CPEB2: variants seen among roughly 807,000 people sequenced by gnomAD.
CPEB2 encodes cytoplasmic polyadenylation element-binding protein 2.
A neutral mutation model predicts 93.6 loss-of-function variants in CPEB2; 56 were observed. The observed-to-expected ratio is 0.60, with a 90% confidence interval of 0.48 to 0.75. CPEB2 has a LOEUF of 0.75. Ranked by LOEUF, CPEB2 falls within the 30% of genes least tolerant of loss-of-function variation. The pLI is 0.00. For missense variants in CPEB2, 1,579 were observed against 1,395.1 expected (o/e 1.13, Z -2.10); for synonymous variants, 764 against 586.3 (o/e 1.30, Z -4.38).
At chr4:15,054,096 A>AT (rs1418968726) in intron 7 of CPEB2, 32 bp from the exon 8 acceptor site, 2 of 1,452,694 alleles carry the variant, frequency 1.4e-6, no homozygotes, top group Non-Finnish European at 1.9e-6. Flanking sequence ...ACTGAAACTA[A>AT]TTTCTAATGT....
rs116150154 is a variant in CPEB2, at chr4:15,002,875, C to A, written c.202C>A (p.Pro68Thr). The change falls in exon 1 of 12, where the codon CCC becomes ACC. Residue 68 changes from proline to threonine, a missense_variant. By Grantham distance (38) the Pro-to-Thr change is conservative. Around this residue, in one of 2 missense-constraint regions of CPEB2, gnomAD observed 1,411 missense variants for 1,056.0 expected, o/e 1.34. Coordinates refer to ENST00000538197, the MANE Select transcript of CPEB2 (RefSeq NM_001177382.2). ...AGAGGCCGCCTCCCCCTTCTCCGTC[C>A]CCCTCGGCGGCGGCGCGGGCAGCCC... ...FLEAASPFSV[P>T]LGGGAGSPAA... is the part of the protein sequence containing the mutation. 3 of 1,524,326 alleles carry A rather than the reference C, an allele frequency of 2.0e-6. No individual in the cohort carries two copies. The highest frequency in any genetic ancestry group is 2.6e-6 in the Non-Finnish European group (3 of 1,143,698). The allele number at this position is 1,524,326 out of a possible 1,614,324, so 94.4% of individuals were successfully genotyped here.
In CPEB2 at chr4:15,067,914, T is replaced by G. The variant is rs1305894832; in HGVS notation, c.*1534T>G. On this transcript the variant is annotated 3_prime_UTR_variant, in exon 12 of 12. Coordinates refer to ENST00000538197, the MANE Select transcript of CPEB2 (RefSeq NM_001177382.2). ...TGCTTGCAGGTTTTTTGGGGTGTTT[T>G]GAGAAAGTGGCATGGAAACATGCAG... 6.6e-6 allele frequency: 1 copy of G among 152,336 alleles called. No homozygotes were observed. The highest frequency in any genetic ancestry group is 2.4e-5 in the African/African-American group (1 of 41,408). 9.4% of individuals were successfully genotyped at this position (152,336 alleles called of 1,614,324 possible).
intron 4 of CPEB2, among the ~76,000 whole-genome samples, chr4:15,026,956 T>G (rs922531679): frequency 6.6e-6 from 1 of 152,224 alleles, no homozygotes; most frequent in African/African-American, 2.4e-5. Flanking sequence ...GTTGCCCATT[T>G]GCTATTCCTA....
intron 10 of CPEB2, among the ~76,000 whole-genome samples, chr4:15,060,197 A>G (rs917006072): frequency 6.6e-6 from 1 of 152,122 alleles, no homozygotes; most frequent in African/African-American, 2.4e-5. Flanking sequence ...AGGAACTGAA[A>G]GAAGCCCAAA....
At chr4:15,035,998 G>A (rs1192627528) in intron 5 of CPEB2, among the ~76,000 whole-genome samples, 1 of 152,130 alleles carries the variant, frequency 6.6e-6, no homozygotes, top group African/African-American at 2.4e-5. Flanking sequence ...AAGATTTTAT[G>A]ATTCTACCTT....
At chr4:15,018,215 A>G (rs773207502) in intron 4 of CPEB2, among the ~76,000 whole-genome samples, 1 of 151,840 alleles carries the variant, frequency 6.6e-6, no homozygotes, top group African/African-American at 2.4e-5. Flanking sequence ...ATTCTCTTTC[A>G]AGATTTGGCC....
chr4:15,035,404 G>T (rs554950681), intron 5 of CPEB2, among the ~76,000 whole-genome samples: 1 of 152,126 alleles, frequency 6.6e-6, no homozygotes, highest in Non-Finnish European at 1.5e-5. Context: ...GACTCAGGGG[G>T]ACTGTTCTGA....
At chr4:15,019,392 C>G (rs911234626) in intron 4 of CPEB2, among the ~76,000 whole-genome samples, 1 of 151,464 alleles carries the variant, frequency 6.6e-6, no homozygotes, top group Non-Finnish European at 1.5e-5. Context: ...TCTTTCTCTC[C>G]GTACTCTGAT....
At chr4:15,063,055 T>A (rs1729346819) in intron 11 of CPEB2, among the ~76,000 whole-genome samples, 2 of 152,052 alleles carry the variant, frequency 1.3e-5, no homozygotes, top group Non-Finnish European at 2.9e-5. Context: ...AGAAATACAT[T>A]AAGAATATGC....
chr4:15,007,728 G>A, intron 2 of CPEB2, 142 bp downstream of exon 2: 3 of 487,654 alleles, frequency 6.2e-6, no homozygotes, highest in Admixed American at 4.0e-5. Context: ...AATTAACAAA[G>A]GTTAAAATAT....
chr4:15,023,690 C>T (rs115112455), intron 4 of CPEB2, among the ~76,000 whole-genome samples: 85 of 151,508 alleles, frequency 5.6e-4, no homozygotes, highest in African/African-American at 1.8e-3. Context: ...TAGAAGTCTC[C>T]TTCCTCCTCC....
chr4:15,011,241 C>A (rs1723440624), intron 3 of CPEB2, among the ~76,000 whole-genome samples: 1 of 151,476 alleles, frequency 6.6e-6, no homozygotes, highest in South Asian at 2.1e-4. Context: ...GCTGTGATTA[C>A]ATGCATGCAC....
chr4:15,005,362 C>T (rs1722685676), intron 1 of CPEB2, among the ~76,000 whole-genome samples: 1 of 152,128 alleles, frequency 6.6e-6, no homozygotes, highest in Admixed American at 6.6e-5. Context: ...AATATGTGGG[C>T]CGTGTGTATT....
At chr4:15,035,565 G>T (rs1037182025) in intron 5 of CPEB2, among the ~76,000 whole-genome samples, 6 of 152,146 alleles carry the variant, frequency 3.9e-5, no homozygotes, top group Non-Finnish European at 8.8e-5. Context: ...ATATGTCTAT[G>T]TTGGAGAATA....
chr4:15,002,924 C>G lies in CPEB2; in HGVS notation c.251C>G (p.Ser84Cys). 1 of 1,516,470 alleles carries G rather than the reference C, an allele frequency of 6.6e-7. No homozygotes were observed. Among genetic ancestry groups the G allele is most frequent in the Non-Finnish European group, 8.8e-7 (1 of 1,141,862 alleles). 93.9% of individuals were successfully genotyped at this position (1,516,470 alleles called of 1,614,324 possible). A position where few individuals can be genotyped will look rare whatever the true frequency, so the allele number is the denominator to read the frequency against. The stretch of plus-strand genomic sequence containing the variant: ...CCGGCCGCCGCCGCTTCCTCTTCCT[C>G]CCCGTTCCTGGCGCATCAGCAGACC... Reference protein sequence around the residue: ...GSPAAAASSSSPFLAHQQTMQ... With the variant: ...GSPAAAASSSCPFLAHQQTMQ... The change falls in exon 1 of 12, where the codon TCC (serine) becomes TGC (cysteine). Residue 84 changes from serine to cysteine, a missense_variant. This residue lies in a region of CPEB2 where 1,411 missense variants were observed against 1,056.0 expected (regional missense o/e 1.34). Transcript: ENST00000538197.
intron 2 of CPEB2, 110 bp downstream of exon 2, chr4:15,007,696 T>C: frequency 3.2e-6 from 2 of 620,350 alleles, no homozygotes; most frequent in Non-Finnish European, 2.5e-6. Context: ...AAATAAAGTT[T>C]TAATTTTTAA....
At chr4:15,024,759 T>C (rs1388844955) in intron 4 of CPEB2, among the ~76,000 whole-genome samples, 1 of 148,398 alleles carries the variant, frequency 6.7e-6, no homozygotes, top group African/African-American at 2.4e-5. Context: ...TTTTTTTTTT[T>C]TTTGAGATGG....
In CPEB2 at chr4:15,040,481, A is replaced by G; in HGVS notation, c.2194A>G (p.Arg732Gly). Reference sequence around the variant, plus strand: ...ACATGCAGCAAGGAGTTATGGGCGAAGACGAGGTAATTCATTTCTGTTTGC... The same window carrying G: ...ACATGCAGCAAGGAGTTATGGGCGAGGACGAGGTAATTCATTTCTGTTTGC... ...LMLNARSYGR[R>G]RGRSSLFPID... The change falls in exon 6 of 12, where the codon AGA (arginine) becomes GGA (glycine). Residue 732 changes from arginine (R) to glycine (G), a missense_variant. This residue lies in a region of CPEB2 where 1,411 missense variants were observed against 1,056.0 expected (regional missense o/e 1.34). Coordinates refer to ENST00000538197, the MANE Select transcript of CPEB2 (RefSeq NM_001177382.2). 1 of 1,536,612 alleles carries G rather than the reference A, an allele frequency of 6.5e-7. No individual in the cohort carries two copies. Among genetic ancestry groups the G allele is most frequent in the Non-Finnish European group, 8.7e-7 (1 of 1,146,976 alleles).
intron 2 of CPEB2, 155 bp downstream of exon 2, chr4:15,007,741 A>C (rs1274207532): frequency 4.4e-6 from 2 of 459,236 alleles, no homozygotes; most frequent in Non-Finnish European, 7.4e-6. Context: ...TAAAATATCT[A>C]TACAGAGAAA....
Sources: allele counts gnomAD v4.1 joint callset (sites outside exome capture counted in the v4.1 genomes callset), GRCh38; gene constraint gnomAD v4.1.1; regional missense constraint gnomAD v4.1.1; transcripts MANE v1.5; gene names NCBI Gene and HGNC (gene_info 2026-07-23, HGNC 2026-07-21).